ELSPBP1: variants seen among roughly 807,000 people sequenced by gnomAD.
ELSPBP1 encodes the protein epididymal sperm binding protein 1, also known as epididymal sperm-binding protein 1.
Under a neutral mutation model 33.3 loss-of-function variants are expected in ELSPBP1, and 38 were observed. That is an observed-to-expected ratio of 1.14 (90% CI 0.88 to 1.50). ELSPBP1 has a LOEUF of 1.50. Among genes scored for constraint, ELSPBP1 ranks in the 40% most tolerant of loss-of-function variants. The pLI is 0.00. For synonymous variants in ELSPBP1, 85 were observed against 94.1 expected (o/e 0.90, Z 0.56); for missense variants, 267 against 263.5 (o/e 1.01, Z -0.09).
At chr19:48,019,371 C>T (rs1026257250) in intron 4 of ELSPBP1, among the ~76,000 whole-genome samples, 1 of 151,962 alleles carries the variant, frequency 6.6e-6, no homozygotes, top group Non-Finnish European at 1.5e-5. Flanking sequence ...TTGACACAAT[C>T]GATATTTATG....
Position 48,023,586 on chromosome 19 carries a change from A to G in ELSPBP1, c.*7+1252A>G, listed in dbSNP as rs1160643336. Among the ~76,000 whole-genome samples the G allele has an allele frequency of 6.9e-5, 8 of 116,454 alleles. No individual in the cohort carries two copies. The South Asian group carries it at 2.4e-3, about 35-fold the overall frequency. The allele number at this position is 116,454 out of a possible 152,430, so 76.4% of individuals were successfully genotyped here. ...AAGGAAGGGAAGGAAGGGAGGGAGG[A>G]AGGAAGGAAGGGAGGGAGGGAGGGA... On this transcript the variant is annotated intron_variant, in intron 6 of 6. Coordinates refer to ENST00000339841, the MANE Select transcript of ELSPBP1 (RefSeq NM_022142.5).
intron 4 of ELSPBP1, among the ~76,000 whole-genome samples, chr19:48,018,796 TA>T (rs1055736533): frequency 6.1e-5 from 9 of 148,292 alleles, no homozygotes; most frequent in Non-Finnish European, 7.5e-5. Context: ...CAAAGGAAAT[TA>T]AAAAAAAAAG....
chr19:47,997,312 G>A (rs1397679336), intron 1 of ELSPBP1, among the ~76,000 whole-genome samples: 1 of 152,086 alleles, frequency 6.6e-6, no homozygotes, highest in Non-Finnish European at 1.5e-5. Context: ...TACTCAGGGT[G>A]TTCTATCTTT....
intron 1 of ELSPBP1, among the ~76,000 whole-genome samples, chr19:48,005,595 C>T (rs906207775): frequency 2.0e-5 from 3 of 152,154 alleles, no homozygotes; most frequent in African/African-American, 7.2e-5. Flanking sequence ...TCTAGGTGGA[C>T]ATGTCTGGGA....
chr19:48,006,511 G>A (rs1967018833), intron 1 of ELSPBP1, among the ~76,000 whole-genome samples: 1 of 151,354 alleles, frequency 6.6e-6, no homozygotes, highest in Non-Finnish European at 1.5e-5. Context: ...CTACTTGGGA[G>A]GCTGAGGCAG....
intron 1 of ELSPBP1, 58 bp from the exon 2 acceptor site, chr19:48,008,593 G>A: frequency 8.3e-7 from 1 of 1,206,772 alleles, no homozygotes. Context: ...AAATCTAGGA[G>A]GTAATGGGAA....
intron 1 of ELSPBP1, among the ~76,000 whole-genome samples, chr19:47,997,242 A>G (rs1285213969): frequency 6.6e-6 from 1 of 152,220 alleles, no homozygotes; most frequent in Non-Finnish European, 1.5e-5. Flanking sequence ...CATTCCTAAG[A>G]CAGCCATCTC....
intron 3 of ELSPBP1, 52 bp from the exon 4 acceptor site, chr19:48,015,841 C>T (rs1967125421): frequency 2.0e-6 from 3 of 1,534,640 alleles, no homozygotes; most frequent in East Asian, 2.3e-5. Flanking sequence ...ATGACTCTGT[C>T]CTGTGAACGA....
At chr19:48,000,013 A>AG (rs1004508384) in intron 1 of ELSPBP1, among the ~76,000 whole-genome samples, 1 of 150,870 alleles carries the variant, frequency 6.6e-6, no homozygotes, top group African/African-American at 2.4e-5. Context: ...GTAGAGAAGG[A>AG]GGGGGTCTCA....
intron 2 of ELSPBP1, among the ~76,000 whole-genome samples, chr19:48,009,338 A>G (rs1170522640): frequency 6.6e-6 from 1 of 152,190 alleles, no homozygotes; most frequent in Non-Finnish European, 1.5e-5. Context: ...CATAATGCTC[A>G]GCACATGGTG....
At position 48,019,638 on chromosome 19, in the gene ELSPBP1, G is replaced by A. The variant is rs1021582430; in HGVS notation, c.356-81G>A. On this transcript the variant is annotated intron_variant, in intron 4 of 6. Coordinates refer to ENST00000339841, the MANE Select transcript of ELSPBP1 (RefSeq NM_022142.5). ...GACGTTGCCTTTAATGGGATAAAGC[G>A]TGGCACAGTTTGTGTGTCATAAATG... is the stretch of plus-strand genomic sequence containing the variant. 5 of 1,401,392 alleles carry A rather than the reference G, an allele frequency of 3.6e-6. No individual in the cohort carries two copies. The African/African-American group carries it at 4.3e-5, about 12-fold the overall frequency. The allele number at this position is 1,401,392 out of a possible 1,614,324, so 86.8% of individuals were successfully genotyped here.
At position 48,015,782 on chromosome 19, in the gene ELSPBP1, T is replaced by C. The variant is rs549500471; in HGVS notation, c.209-111T>C. The C allele has an allele frequency of 2.5e-5, 26 of 1,021,840 alleles. No individual in the cohort carries two copies. In the South Asian group the frequency reaches 5.0e-4, roughly 20 times the overall value. The allele number at this position is 1,021,840 out of a possible 1,614,324, so 63.3% of individuals were successfully genotyped here. A position where few individuals can be genotyped will look rare whatever the true frequency, so the allele number is the denominator to read the frequency against. On this transcript the variant is annotated intron_variant, in intron 3 of 6. Transcript: ENST00000339841. The stretch of plus-strand genomic sequence containing the variant: ...TTGATGAAATAATGCATAAAGTCTC[T>C]TCTGAACCTTATGTCTGTCCTGTCC...
chr19:48,007,736 G>C (rs751421850), intron 1 of ELSPBP1, among the ~76,000 whole-genome samples: 8 of 152,260 alleles, frequency 5.3e-5, no homozygotes, highest in Middle Eastern at 3.4e-3. Flanking sequence ...TATTGTTAAG[G>C]TTCCAACAAT....
Position 48,019,779 on chromosome 19 carries a change from T to A in ELSPBP1, c.416T>A (p.Val139Glu). Reference protein sequence around the residue: ...CIFPSIYRNNVVSDCMEDESN... With the variant: ...CIFPSIYRNNEVSDCMEDESN... ...TTCCCCTCCATCTACAGAAATAATG[T>A]GGTCTCTGATTGCATGGAGGATGAA... Residue 139 changes from valine to glutamate, a missense_variant, in exon 5 of 7, where the codon GTG (valine) becomes GAG (glutamate). Physicochemically the swap from Val to Glu is moderately radical, Grantham distance 121. Transcript: ENST00000339841. 6.2e-7 allele frequency: 1 copy of A among 1,614,026 alleles called. No homozygotes were observed.
intron 4 of ELSPBP1, among the ~76,000 whole-genome samples, chr19:48,016,318 A>G (rs982628039): frequency 6.6e-6 from 1 of 152,212 alleles, no homozygotes; most frequent in African/African-American, 2.4e-5. Context: ...TTCTGTTTCT[A>G]GAACTGACAA....
chr19:48,012,117 TTGTTTTGTTC>T (rs1355414147), intron 2 of ELSPBP1, among the ~76,000 whole-genome samples: 1 of 152,172 alleles, frequency 6.6e-6, no homozygotes, highest in Non-Finnish European at 1.5e-5. Context: ...TTTTTGTTTT[TTGTTTTGTTC>T]TGTTTTGTTT....
intron 1 of ELSPBP1, among the ~76,000 whole-genome samples, chr19:47,997,091 A>G (rs972340760): frequency 6.6e-6 from 1 of 152,138 alleles, no homozygotes; most frequent in Non-Finnish European, 1.5e-5. Context: ...GCTAGGCACC[A>G]CTGAAACATC....
At chr19:47,998,305 G>C (rs1478265564) in intron 1 of ELSPBP1, among the ~76,000 whole-genome samples, 2 of 152,002 alleles carry the variant, frequency 1.3e-5, no homozygotes, top group African/African-American at 4.8e-5. Flanking sequence ...CCAGCTACTC[G>C]GGAGGCTGAG....
intron 6 of ELSPBP1, among the ~76,000 whole-genome samples, chr19:48,023,217 G>A (rs1289247642): frequency 3.7e-5 from 5 of 136,068 alleles, no homozygotes; most frequent in African/African-American, 5.5e-5. Context: ...AGGAGGGAAG[G>A]AAGGAGGGAG....
Sources: gnomAD v4.1 joint callset for allele counts (sites outside exome capture counted in the v4.1 genomes callset) on GRCh38, gnomAD v4.1.1 for gene constraint, MANE v1.5 for transcripts, NCBI Gene and HGNC (gene_info 2026-07-23, HGNC 2026-07-21) for gene names.